Variants in ZC3H7A observed in about 807,000 individuals in gnomAD.
The protein encoded by ZC3H7A is zinc finger CCCH-type containing 7A.
ZC3H7A carries 44 observed loss-of-function variants against 125.5 expected under a neutral mutation model. The observed-to-expected ratio is 0.35, with a 90% CI of 0.28 to 0.45. The LOEUF (loss-of-function observed/expected upper bound fraction) is 0.45. Ranked by LOEUF, ZC3H7A falls within the 20% of genes least tolerant of loss-of-function variation. ZC3H7A has a pLI of 1.00. For synonymous variants in ZC3H7A, 399 were observed against 391.2 expected, an observed-to-expected ratio of 1.02 and a Z score of -0.23; for missense variants, 977 against 1,170.7, an observed-to-expected ratio of 0.83 and a Z score of 2.41.
chr16:11,783,373 C>A (rs192596695), intron 1 of ZC3H7A, among the ~76,000 whole-genome samples: 1 of 152,098 alleles, frequency 6.6e-6, no homozygotes, highest in Non-Finnish European at 1.5e-5. Context: ...CGAGCAGTTC[C>A]CCAAGTTCAA....
intron 19 of ZC3H7A, chr16:11,759,717 C>A (rs1260467467): frequency 6.6e-6 from 1 of 152,350 alleles, no homozygotes; most frequent in Non-Finnish European, 1.5e-5. Flanking sequence ...GGCTGAATAA[C>A]TTGACTGGGG....
At chr16:11,781,683 T>G (rs1480537220) in intron 2 of ZC3H7A, among the ~76,000 whole-genome samples, 2 of 150,756 alleles carry the variant, frequency 1.3e-5, no homozygotes, top group African/African-American at 4.9e-5. Context: ...TACTATTCCT[T>G]AGTATTTTTT....
intron 9 of ZC3H7A, among the ~76,000 whole-genome samples, chr16:11,771,582 C>T (rs2052983340): frequency 6.6e-6 from 1 of 151,526 alleles, no homozygotes; most frequent in African/African-American, 2.4e-5. Flanking sequence ...CTCACTGCAA[C>T]CTCCGCCTTC....
chr16:11,787,114 G>A lies in ZC3H7A; in HGVS notation c.-34-4726C>T, dbSNP rs112321981. Among the ~76,000 whole-genome samples, 1,104 of 151,740 alleles carry A rather than the reference G, an allele frequency of 7.3e-3. 3 individuals carry two copies. The highest frequency in any genetic ancestry group is 0.011 in the Non-Finnish European group (759 of 67,940). The stretch of plus-strand genomic sequence containing the variant: ...ATTTGAGCCCAGGAGTATGAAACCA[G>A]CCTGGGCAAGATGGAGAGACCCCAT... On this transcript the variant is annotated intron_variant, in intron 1 of 22. Coordinates refer to ENST00000355758, the MANE Select transcript of ZC3H7A (RefSeq NM_014153.4).
chr16:11,797,067 G>C (rs902235346), intron 1 of ZC3H7A, 57 bp downstream of exon 1: 10 of 142,976 alleles, frequency 7.0e-5, no homozygotes, highest in African/African-American at 2.2e-4. Context: ...CGCGGGGGGG[G>C]CGGGGGCGCG....
intron 1 of ZC3H7A, among the ~76,000 whole-genome samples, chr16:11,791,718 G>C (rs1239577217): frequency 2.0e-5 from 3 of 152,218 alleles, no homozygotes; most frequent in Admixed American, 6.5e-5. Flanking sequence ...AACAGAGCTG[G>C]TTATAGTGGG....
In ZC3H7A at chr16:11,767,595, G is replaced by C. The variant is rs775294490; in HGVS notation, c.1361-17C>G. The C allele has an allele frequency of 1.9e-6, 3 of 1,547,078 alleles. No individual in the cohort carries two copies. The Admixed American group carries it at 6.3e-5, about 32-fold the overall frequency. On this transcript the variant is annotated splice_polypyrimidine_tract_variant and intron_variant, in intron 12 of 22. Coordinates refer to ENST00000355758, the MANE Select transcript of ZC3H7A (RefSeq NM_014153.4). ...ACTTAGGGCCTGAAAAAGATGTAAA[G>C]AGGATTGCTTATATGCACAAAAAAT...
intron 15 of ZC3H7A, among the ~76,000 whole-genome samples, chr16:11,763,960 C>T (rs868063167): frequency 6.6e-6 from 1 of 151,432 alleles, no homozygotes; most frequent in Non-Finnish European, 1.5e-5. Flanking sequence ...CCCACCACCA[C>T]GCCCAGCTAA....
Position 11,782,292 on chromosome 16 carries a change from A to C in ZC3H7A, c.63T>G (p.Phe21Leu), listed in dbSNP as rs777355540. The C allele has an allele frequency of 6.2e-7, 1 of 1,614,216 alleles. No individual in the cohort carries two copies. Among genetic ancestry groups the C allele is most frequent in the Non-Finnish European group, 8.5e-7 (1 of 1,180,026 alleles). The change falls in exon 2 of 23, where the codon TTT becomes TTG. Residue 21 changes from phenylalanine (F) to leucine (L), a missense_variant. Around this residue, in one of 3 missense-constraint regions of ZC3H7A, gnomAD observed 199 missense variants for 256.1 expected, o/e 0.78. Transcript: ENST00000355758. ...RQQNIKEGLQFIQSPLSYPGT... is the reference protein window; with the variant it reads ...RQQNIKEGLQLIQSPLSYPGT... ...AAGAACTCTGAAGCTCTTACTGTAT[A>C]AACTGCAGTCCTTCCTTAATGTTCT...
chr16:11,774,841 A>G, intron 8 of ZC3H7A, 139 bp downstream of exon 8: 1 of 1,086,772 alleles, frequency 9.2e-7, no homozygotes, highest in South Asian at 1.5e-5. Context: ...GAGCATTGGA[A>G]ATCATTTTCA....
chr16:11,792,035 G>C (rs967395681), intron 1 of ZC3H7A, among the ~76,000 whole-genome samples: 3 of 152,084 alleles, frequency 2.0e-5, no homozygotes, highest in African/African-American at 7.2e-5. Context: ...AGCCTCCCAA[G>C]TAGCTGGAAC....
intron 2 of ZC3H7A, among the ~76,000 whole-genome samples, 187 bp from the exon 3 acceptor site, chr16:11,781,651 C>T (rs375539633): frequency 6.9e-6 from 1 of 145,010 alleles, no homozygotes; most frequent in African/African-American, 2.5e-5. Context: ...AATACATATA[C>T]ATATATATAT....
chr16:11,751,570 C>A, intron 22 of ZC3H7A, 64 bp from the exon 23 acceptor site: 1 of 1,499,392 alleles, frequency 6.7e-7, no homozygotes, highest in Non-Finnish European at 9.0e-7. Context: ...TGTCATGATT[C>A]TTGAAACTGT....
intron 13 of ZC3H7A, among the ~76,000 whole-genome samples, chr16:11,766,337 G>A (rs1021514932): frequency 1.3e-5 from 2 of 152,244 alleles, no homozygotes; most frequent in African/African-American, 4.8e-5. Flanking sequence ...GGCCGAGGCA[G>A]GCAGATCATT....
intron 10 of ZC3H7A, among the ~76,000 whole-genome samples, chr16:11,769,984 A>C (rs557749331): frequency 1.3e-5 from 2 of 151,344 alleles, no homozygotes; most frequent in South Asian, 4.2e-4. Context: ...AAAGGGTTTC[A>C]CCATGTTGCC....
intron 8 of ZC3H7A, among the ~76,000 whole-genome samples, chr16:11,774,742 C>T (rs1306463131): frequency 6.6e-6 from 1 of 152,210 alleles, no homozygotes; most frequent in East Asian, 1.9e-4. Context: ...AGCTATCAGA[C>T]AGTGGCAAGG....
intron 1 of ZC3H7A, among the ~76,000 whole-genome samples, chr16:11,788,504 C>T (rs1256875330): frequency 1.3e-5 from 2 of 152,202 alleles, no homozygotes; most frequent in Non-Finnish European, 2.9e-5. Context: ...CCCATCCTAT[C>T]ACTTAGCCAC....
At chr16:11,789,025 C>T (rs753903682) in intron 1 of ZC3H7A, among the ~76,000 whole-genome samples, 26 of 152,250 alleles carry the variant, frequency 1.7e-4, no homozygotes, top group Non-Finnish European at 2.2e-4. Flanking sequence ...CACACACAGG[C>T]ACGCACAACC....
At position 11,776,446 on chromosome 16, in the gene ZC3H7A, G is replaced by C. The variant is rs1229793464; in HGVS notation, c.546+6C>G. The C allele has an allele frequency of 2.5e-6, 4 of 1,607,674 alleles. No individual in the cohort carries two copies. Among genetic ancestry groups the C allele is most frequent in the Admixed American group, 1.7e-5 (1 of 58,514 alleles). ...AAAACACCTTATGCAGAGAACTCCA[G>C]CTTACCTCAGCTCTGACATACGCTT... is the stretch of plus-strand genomic sequence containing the variant. On this transcript the variant is annotated splice_donor_region_variant and intron_variant, in intron 6 of 22. Coordinates refer to ENST00000355758, the MANE Select transcript of ZC3H7A (RefSeq NM_014153.4).
Sources: gnomAD v4.1 joint callset for allele counts (sites outside exome capture counted in the v4.1 genomes callset) on GRCh38, gnomAD v4.1.1 for gene constraint, gnomAD v4.1.1 regional missense constraint, MANE v1.5 for transcripts, NCBI Gene and HGNC (gene_info 2026-07-23, HGNC 2026-07-21) for gene names.